Variants in BCL2 observed in about 807,000 individuals in gnomAD.
The protein encoded by BCL2 is apoptosis regulator Bcl-2.
In BCL2, 1 loss-of-function variant was observed where a neutral mutation model predicts 14.2. The observed-to-expected ratio is 0.07, with a 90% CI of 0.02 to 0.33. The LOEUF is 0.33. Among genes scored for constraint, BCL2 ranks in the 10% least tolerant of loss-of-function variants. The probability of loss-of-function intolerance (pLI) is 0.99; values close to 1 mark genes in which losing one functional copy is unlikely to be tolerated. For missense variants in BCL2, 247 were observed against 305.9 expected (o/e 0.81, Z 1.44); for synonymous variants, 151 against 137.2 (o/e 1.10, Z -0.70).
At chr18:63,228,804 G>T (rs977481805) in intron 2 of BCL2, among the ~76,000 whole-genome samples, 8 of 152,132 alleles carry the variant, frequency 5.3e-5, no homozygotes, top group Non-Finnish European at 1.0e-4. Flanking sequence ...CGCCTCCCGG[G>T]CTCAAGTAAT....
intron 2 of BCL2, among the ~76,000 whole-genome samples, chr18:63,203,383 A>G (rs1208526164): frequency 6.6e-6 from 1 of 152,226 alleles, no homozygotes; most frequent in Non-Finnish European, 1.5e-5. Context: ...AACTTCAGGG[A>G]GGTTCCCCAC....
At chr18:63,193,840 A>G (rs1909365118) in intron 2 of BCL2, among the ~76,000 whole-genome samples, 1 of 152,150 alleles carries the variant, frequency 6.6e-6, no homozygotes, top group Non-Finnish European at 1.5e-5. Flanking sequence ...AGACTGATGT[A>G]GATTTATTTC....
intron 2 of BCL2, among the ~76,000 whole-genome samples, chr18:63,169,835 G>C (rs955310653): frequency 6.6e-6 from 1 of 152,052 alleles, no homozygotes; most frequent in African/African-American, 2.4e-5. Flanking sequence ...TTTTCTTTAA[G>C]GGGTAGATGC....
chr18:63,275,470 G>A (rs1489523858), intron 2 of BCL2, among the ~76,000 whole-genome samples: 1 of 152,184 alleles, frequency 6.6e-6, no homozygotes, highest in Non-Finnish European at 1.5e-5. Flanking sequence ...GGATGGAAGA[G>A]AACTTGGAAT....
intron 2 of BCL2, among the ~76,000 whole-genome samples, chr18:63,194,719 C>A (rs79223723): frequency 1.3e-5 from 2 of 152,076 alleles, no homozygotes; most frequent in African/African-American, 4.8e-5. Context: ...GTATAAAAAC[C>A]ATCTAATAAA....
chr18:63,242,430 C>G (rs549941019), intron 2 of BCL2, among the ~76,000 whole-genome samples: 1 of 152,360 alleles, frequency 6.6e-6, no homozygotes, highest in South Asian at 2.1e-4. Context: ...AACCCTGAGA[C>G]CCCATTGTGT....
At chr18:63,169,246 GTTTTT>G (rs1915123820) in intron 2 of BCL2, among the ~76,000 whole-genome samples, 1 of 131,208 alleles carries the variant, frequency 7.6e-6, no homozygotes, top group African/African-American at 2.9e-5. Flanking sequence ...TCCCCTTCGT[GTTTTT>G]CTTTCTTTCT....
Position 63,125,467 on chromosome 18 carries a change from CT to C in BCL2, c.*3157del, listed in dbSNP as rs1913886895. The stretch of plus-strand genomic sequence containing the variant: ...GAGGAGGTTCTCAGATGTTCTTCTC[CT>C]TTTGGGGCTTTTTTTAGAGCCCTTG... On this transcript the variant is annotated 3_prime_UTR_variant, in exon 3 of 3. Transcript: ENST00000333681. 3 of 219,854 alleles carry C rather than the reference CT, an allele frequency of 1.4e-5. No homozygotes were observed. The highest frequency in any genetic ancestry group is 2.7e-5 in the Non-Finnish European group (3 of 109,570). 13.6% of individuals were successfully genotyped at this position (219,854 alleles called of 1,614,324 possible).
chr18:63,144,378 C>A (rs924298461), intron 2 of BCL2, among the ~76,000 whole-genome samples: 2 of 152,074 alleles, frequency 1.3e-5, no homozygotes, highest in African/African-American at 4.8e-5. Context: ...GAAGAGACTG[C>A]CATCAGAAAG....
At chr18:63,199,812 G>GT (rs2144662818) in intron 2 of BCL2, among the ~76,000 whole-genome samples, 1 of 152,284 alleles carries the variant, frequency 6.6e-6, no homozygotes, top group African/African-American at 2.4e-5. Flanking sequence ...CTTCTGTGCT[G>GT]TGAGTGGCAT....
intron 2 of BCL2, among the ~76,000 whole-genome samples, chr18:63,299,606 T>C (rs1555709089): frequency 6.6e-6 from 1 of 152,198 alleles, no homozygotes; most frequent in Non-Finnish European, 1.5e-5. Context: ...AACTCCTTAG[T>C]GGGGCACATA....
intron 2 of BCL2, among the ~76,000 whole-genome samples, chr18:63,183,388 A>G (rs116559727): frequency 2.0e-3 from 312 of 152,246 alleles, no homozygotes; most frequent in Middle Eastern, 6.8e-3. Flanking sequence ...AGCAGGCTTC[A>G]TGGAAGTTGA....
chr18:63,312,560 A>T (rs996523893), intron 2 of BCL2, among the ~76,000 whole-genome samples: 2 of 152,254 alleles, frequency 1.3e-5, no homozygotes, highest in Non-Finnish European at 2.9e-5. Flanking sequence ...AGCCCAAAAA[A>T]GTCCGAAGGC....
At chr18:63,211,806 G>C (rs781517308) in intron 2 of BCL2, among the ~76,000 whole-genome samples, 4 of 152,204 alleles carry the variant, frequency 2.6e-5, no homozygotes, top group Admixed American at 6.5e-5. Context: ...GCCATGCCAC[G>C]CAAAGGTCCC....
At chr18:63,171,003 C>T (rs372578233) in intron 2 of BCL2, among the ~76,000 whole-genome samples, 4 of 152,028 alleles carry the variant, frequency 2.6e-5, no homozygotes, top group Non-Finnish European at 4.4e-5. Context: ...AGAAAAGGAA[C>T]GATTTATTTT....
At chr18:63,147,506 C>T (rs1251815746) in intron 2 of BCL2, among the ~76,000 whole-genome samples, 1 of 152,134 alleles carries the variant, frequency 6.6e-6, no homozygotes, top group Non-Finnish European at 1.5e-5. Context: ...CGGGACGTGA[C>T]CTGCCGTAAT....
intron 2 of BCL2, among the ~76,000 whole-genome samples, chr18:63,277,054 C>T (rs972728566): frequency 6.6e-6 from 1 of 152,160 alleles, no homozygotes; most frequent in Non-Finnish European, 1.5e-5. Flanking sequence ...CCTCCCACTG[C>T]AATACCTCTT....
intron 2 of BCL2, among the ~76,000 whole-genome samples, chr18:63,228,106 C>T (rs1010930876): frequency 1.3e-5 from 2 of 151,116 alleles, no homozygotes; most frequent in Non-Finnish European, 3.0e-5. Context: ...AAATCTCTTC[C>T]TTCTTTTTCT....
At chr18:63,240,684 C>T (rs569213716) in intron 2 of BCL2, among the ~76,000 whole-genome samples, 2 of 152,352 alleles carry the variant, frequency 1.3e-5, no homozygotes, top group East Asian at 1.9e-4. Flanking sequence ...TCCCAATTCC[C>T]TGCCTTTGTC....
Sources: gnomAD v4.1 joint callset for allele counts (sites outside exome capture counted in the v4.1 genomes callset) on GRCh38, gnomAD v4.1.1 for gene constraint, MANE v1.5 for transcripts, NCBI Gene and HGNC (gene_info 2026-07-23, HGNC 2026-07-21) for gene names.